The following BCHE variants were observed in gnomAD, a reference collection of about 807,000 sequenced individuals.
The protein encoded by BCHE is butyrylcholinesterase.
A neutral mutation model predicts 51.3 loss-of-function variants in BCHE; 48 were observed. The ratio of observed to expected loss-of-function variants is 0.94; its 90% CI spans 0.74 to 1.19. BCHE has a LOEUF of 1.19. Ranked by LOEUF, BCHE falls within the 50% of genes most tolerant of loss-of-function variation. The pLI, the probability that BCHE is intolerant of heterozygous loss-of-function variation, is 0.00. For synonymous variants in BCHE, 251 were observed against 238.0 expected (o/e 1.05, Z -0.50); for missense variants, 847 against 708.2 (o/e 1.20, Z -2.23).
At chr3:165,828,424 A>G (rs1451011439) in intron 2 of BCHE, among the ~76,000 whole-genome samples, 1 of 152,174 alleles carries the variant, frequency 6.6e-6, no homozygotes, top group Admixed American at 6.6e-5. Flanking sequence ...GTGAATAAGT[A>G]TTAAACCATT....
chr3:165,797,910 T>G (rs189301540), intron 2 of BCHE, among the ~76,000 whole-genome samples: 1 of 152,282 alleles, frequency 6.6e-6, no homozygotes, highest in African/African-American at 2.4e-5. Flanking sequence ...TCCAAGAAAA[T>G]TATACAAAAA....
At chr3:165,806,458 T>C (rs1713867897) in intron 2 of BCHE, among the ~76,000 whole-genome samples, 2 of 152,202 alleles carry the variant, frequency 1.3e-5, no homozygotes, top group African/African-American at 2.4e-5. Context: ...TTTGCTGTTA[T>C]CTGCCAGCGG....
At chr3:165,836,501 C>T (rs1479097674) in intron 1 of BCHE, among the ~76,000 whole-genome samples, 3 of 151,744 alleles carry the variant, frequency 2.0e-5, no homozygotes, top group African/African-American at 7.2e-5. Flanking sequence ...ACAATGAAAT[C>T]ACATTTCAGT....
Position 165,837,373 on chromosome 3 carries a change from G to T in BCHE, c.-68C>A, listed in dbSNP as rs1715224660. On this transcript the variant is annotated 5_prime_UTR_variant, in exon 1 of 4. Coordinates refer to ENST00000264381, the MANE Select transcript of BCHE (RefSeq NM_000055.4). ...AGGAGTGAAAATCATGTAATACTTCGGGGAAATGCAGGATGCAGCTGCTGC... is the reference window on the plus strand; with the variant it reads ...AGGAGTGAAAATCATGTAATACTTCTGGGAAATGCAGGATGCAGCTGCTGC... The T allele has an allele frequency of 5.4e-6, 7 of 1,289,718 alleles. No homozygotes were observed. The highest frequency in any genetic ancestry group is 7.1e-6 in the Non-Finnish European group (7 of 988,816). The allele number at this position is 1,289,718 out of a possible 1,614,324, so 79.9% of individuals were successfully genotyped here. A position where few individuals can be genotyped will look rare whatever the true frequency, so the allele number is the denominator to read the frequency against.
chr3:165,779,359 G>A (rs1439661425), intron 3 of BCHE, among the ~76,000 whole-genome samples: 2 of 151,988 alleles, frequency 1.3e-5, no homozygotes, highest in East Asian at 1.9e-4. Flanking sequence ...TTTGAAAACC[G>A]GCACAAGACA....
At chr3:165,819,874 T>G (rs1395271188) in intron 2 of BCHE, among the ~76,000 whole-genome samples, 1 of 152,136 alleles carries the variant, frequency 6.6e-6, no homozygotes. Context: ...TTCTGACAGG[T>G]CTTTTGAAGC....
intron 3 of BCHE, among the ~76,000 whole-genome samples, chr3:165,779,577 C>T (rs1252575894): frequency 6.6e-6 from 1 of 152,062 alleles, no homozygotes; most frequent in East Asian, 1.9e-4. Flanking sequence ...TCTCAGTGTA[C>T]AAAATCAATG....
At position 165,786,139 on chromosome 3, in the gene BCHE, A is replaced by G. The variant is rs774924493; in HGVS notation, c.1684+6T>C. The G allele has an allele frequency of 1.2e-6, 2 of 1,610,640 alleles. No individual in the cohort carries two copies. Among genetic ancestry groups the G allele is most frequent in the Non-Finnish European group, 1.7e-6 (2 of 1,177,416 alleles). ...TTAAATAACCAAACACTAAAAACAG[A>G]CACACCTGTCATTTCCAAGACTTTT... is the stretch of plus-strand genomic sequence containing the variant. On this transcript the variant is annotated splice_donor_region_variant and intron_variant, in intron 3 of 3. Transcript: ENST00000264381.
chr3:165,797,595 A>G (rs1713467233), intron 2 of BCHE, among the ~76,000 whole-genome samples: 1 of 151,946 alleles, frequency 6.6e-6, no homozygotes, highest in African/African-American at 2.4e-5. Flanking sequence ...ATGGCACTAG[A>G]ACACTTATTT....
chr3:165,794,489 G>A (rs1011771676), intron 2 of BCHE, among the ~76,000 whole-genome samples: 1 of 152,130 alleles, frequency 6.6e-6, no homozygotes, highest in Non-Finnish European at 1.5e-5. Context: ...TGGCAACTTT[G>A]GTGTCTGATG....
At chr3:165,791,491 T>C (rs1208072914) in intron 2 of BCHE, among the ~76,000 whole-genome samples, 2 of 152,124 alleles carry the variant, frequency 1.3e-5, no homozygotes, top group African/African-American at 4.8e-5. Context: ...AGATCTTACA[T>C]GTATTTTGTA....
At chr3:165,826,989 T>A (rs188624159) in intron 2 of BCHE, among the ~76,000 whole-genome samples, 3 of 152,166 alleles carry the variant, frequency 2.0e-5, no homozygotes, top group Admixed American at 1.3e-4. Context: ...ATGTCATTGG[T>A]GGGTAGAAAG....
intron 2 of BCHE, among the ~76,000 whole-genome samples, chr3:165,815,234 C>T (rs1714265756): frequency 9.2e-6 from 1 of 108,574 alleles, no homozygotes; most frequent in South Asian, 3.6e-4. Context: ...TAGGTATTAA[C>T]ACTTTGATTT....
chr3:165,800,875 G>T (rs1016327472), intron 2 of BCHE, among the ~76,000 whole-genome samples: 2 of 152,134 alleles, frequency 1.3e-5, no homozygotes, highest in South Asian at 2.1e-4. Flanking sequence ...AATGATTGGA[G>T]ATTAATAATA....
chr3:165,830,583 A>T lies in BCHE; in HGVS notation c.451T>A (p.Ser151Thr), dbSNP rs1450107764. ...TTGCCATCATAAACATGTAAAGATG[A>T]TGTTCCAGTTTGAAAACCACCACCA... ...IYGGGFQTGTSSLHVYDGKFL... is the reference protein window; with the variant it reads ...IYGGGFQTGTTSLHVYDGKFL... Residue 151 changes from serine (S) to threonine (T), a missense_variant, in exon 2 of 4, where the codon TCA (serine) becomes ACA (threonine). Coordinates refer to ENST00000264381, the MANE Select transcript of BCHE (RefSeq NM_000055.4). 1 of 1,613,868 alleles carries T rather than the reference A, an allele frequency of 6.2e-7. No homozygotes were observed. The highest frequency in any genetic ancestry group is 8.5e-7 in the Non-Finnish European group (1 of 1,179,940).
chr3:165,830,975 C>G lies in BCHE; in HGVS notation c.59G>C (p.Cys20Ser). The change falls in exon 2 of 4, where the codon TGC becomes TCC. Residue 20 changes from cysteine to serine, a missense_variant. By Grantham distance (112) the Cys-to-Ser change is moderately radical (BLOSUM62 -1). Coordinates refer to ENST00000264381, the MANE Select transcript of BCHE (RefSeq NM_000055.4). ...AGTATGTGACTTCCCAATAAGCATG[C>G]AGAGCAAAAGAAACCAAAAGAGAAA... ...IRFLFWFLLL[C>S]MLIGKSHTED... 1 of 1,613,682 alleles carries G rather than the reference C, an allele frequency of 6.2e-7. No individual in the cohort carries two copies. The highest frequency in any genetic ancestry group is 1.7e-4 in the Middle Eastern group (1 of 6,060).
At chr3:165,831,064 G>GT in intron 1 of BCHE, 23 bp from the exon 2 acceptor site, 1 of 1,569,696 alleles carries the variant, frequency 6.4e-7, no homozygotes. Flanking sequence ...TAAGTATAAT[G>GT]TTTTATAAGC....
chr3:165,793,925 T>C (rs879546213), intron 2 of BCHE, among the ~76,000 whole-genome samples: 5 of 152,068 alleles, frequency 3.3e-5, no homozygotes, highest in Non-Finnish European at 7.4e-5. Flanking sequence ...TGTGCACCTG[T>C]AGTCCCAGCT....
intron 2 of BCHE, among the ~76,000 whole-genome samples, chr3:165,804,365 CA>C (rs1329867892): frequency 6.6e-6 from 1 of 151,686 alleles, no homozygotes; most frequent in Non-Finnish European, 1.5e-5. Context: ...GTCTTTTTTT[CA>C]GATTACATAT....
Sources: gnomAD v4.1 joint callset for allele counts (sites outside exome capture counted in the v4.1 genomes callset) on GRCh38, gnomAD v4.1.1 for gene constraint, MANE v1.5 for transcripts, NCBI Gene and HGNC (gene_info 2026-07-23, HGNC 2026-07-21) for gene names.